FRMPD4: variants seen among roughly 807,000 people sequenced by gnomAD.
FRMPD4 encodes the protein FERM and PDZ domain-containing protein 4.
A neutral mutation model predicts 94.1 loss-of-function variants in FRMPD4; 22 were observed. The observed-to-expected ratio is 0.23, with a 90% CI of 0.17 to 0.33. The LOEUF (loss-of-function observed/expected upper bound fraction) is 0.33. Among genes scored for constraint, FRMPD4 ranks in the 10% least tolerant of loss-of-function variants. The pLI, the probability that FRMPD4 is intolerant of heterozygous loss-of-function variation, is 1.00. For missense variants in FRMPD4, 1,111 were observed against 1,339.9 expected (o/e 0.83, Z 2.67); for synonymous variants, 631 against 548.6 (o/e 1.15, Z -2.10).
chrX:12,506,480 G>A, intron 2 of FRMPD4, among the ~76,000 whole-genome samples: 1 of 110,989 alleles, frequency 9.0e-6, no homozygotes, highest in Non-Finnish European at 1.9e-5. Flanking sequence ...GTAGAGATGG[G>A]GTTTCACCAT....
chrX:12,458,375 C>T lies in FRMPD4; in HGVS notation c.42-40305C>T, dbSNP rs903595265. 3.6e-5 allele frequency among the ~76,000 whole-genome samples: 4 copies of T among 111,639 alleles called. No individual in the cohort carries two copies. The Admixed American group carries it at 3.8e-4, about 11-fold the overall frequency. ...AAATATGGAGGAGGTTTTGAGGACC[C>T]CCAACTCACTGGGATTCATGGAGTT... On this transcript the variant is annotated intron_variant, in intron 1 of 16. Transcript: ENST00000675598.
intron 1 of FRMPD4, among the ~76,000 whole-genome samples, chrX:12,269,352 T>TAA (rs63071261): frequency 0.16 from 16,913 of 103,781 alleles, 1,258 homozygotes; most frequent in Non-Finnish European, 0.22. Context: ...ATTAATAAAA[T>TAA]AAAAAAAAAA....
At chrX:12,530,871 T>C (rs754389504) in intron 2 of FRMPD4, among the ~76,000 whole-genome samples, 1 of 111,746 alleles carries the variant, frequency 8.9e-6, no homozygotes, top group East Asian at 2.8e-4. Flanking sequence ...GGTGGATGTA[T>C]GGTGCATAGT....
intron 2 of FRMPD4, among the ~76,000 whole-genome samples, chrX:12,522,412 G>T (rs1484817625): frequency 9.0e-6 from 1 of 110,997 alleles, no homozygotes; most frequent in African/African-American, 3.3e-5. Context: ...GCCATTCAGG[G>T]TACAGGGCTT....
intron 1 of FRMPD4, among the ~76,000 whole-genome samples, chrX:12,389,150 A>G (rs998829233): frequency 1.8e-5 from 2 of 108,739 alleles, no homozygotes. Context: ...TGGTGGATAT[A>G]GCTAATAATA....
chrX:12,042,216 CT>C (rs202168716), intron 3 of FRMPD4, among the ~76,000 whole-genome samples: 107 of 99,910 alleles, frequency 1.1e-3, no homozygotes, highest in Admixed American at 1.3e-3. Flanking sequence ...CTTTTGACAG[CT>C]TTTTTTTTTT....
chrX:12,571,213 C>G (rs1381728696), intron 2 of FRMPD4, among the ~76,000 whole-genome samples: 1 of 112,307 alleles, frequency 8.9e-6, no homozygotes, highest in Non-Finnish European at 1.9e-5. Context: ...TAAGTGAAAG[C>G]TACACAAATG....
rs36067490 is a variant in FRMPD4 at position 12,346,278 on chromosome X, G to GAA, written c.42-152391_42-152390dup. Among the ~76,000 whole-genome samples, 793 of 100,291 alleles carry GAA rather than the reference G, an allele frequency of 7.9e-3. 10 individuals are homozygous for GAA. Among genetic ancestry groups the GAA allele is most frequent in the African/African-American group, 0.027 (752 of 27,744 alleles). The allele number at this position is 100,291 out of a possible 115,157, so 87.1% of individuals were successfully genotyped here. A position where few individuals can be genotyped will look rare whatever the true frequency, so the allele number is the denominator to read the frequency against. On this transcript the variant is annotated intron_variant, in intron 1 of 16. Transcript: ENST00000675598. ...TTCTTGGGATGATAGTGTTTTGCAG[G>GAA]AAAAAAAAAAAATAGGTTGCATTGG...
At chrX:12,043,749 A>G (rs2054770533) in intron 3 of FRMPD4, among the ~76,000 whole-genome samples, 1 of 112,351 alleles carries the variant, frequency 8.9e-6, no homozygotes, top group Admixed American at 9.4e-5. Flanking sequence ...CTTGATATTA[A>G]AATATTCCTT....
At chrX:11,995,335 CTTA>C (rs2054490893) in intron 3 of FRMPD4, among the ~76,000 whole-genome samples, 2 of 111,480 alleles carry the variant, frequency 1.8e-5, no homozygotes, top group Non-Finnish European at 3.8e-5. Context: ...ACTGTAGCAT[CTTA>C]TTATTTTTTT....
chrX:12,510,032 C>T (rs1397310633), intron 2 of FRMPD4, among the ~76,000 whole-genome samples: 1 of 112,016 alleles, frequency 8.9e-6, no homozygotes, highest in Non-Finnish European at 1.9e-5. Flanking sequence ...CTGTGGGCCT[C>T]ACTTTTCTCA....
At chrX:12,455,610 T>C (rs1172319631) in intron 1 of FRMPD4, among the ~76,000 whole-genome samples, 1 of 111,928 alleles carries the variant, frequency 8.9e-6, no homozygotes, top group Admixed American at 9.5e-5. Flanking sequence ...TATATAGTAA[T>C]TGCAGTTACA....
intron 1 of FRMPD4, among the ~76,000 whole-genome samples, chrX:12,202,017 G>A (rs751771747): frequency 4.2e-4 from 45 of 107,501 alleles, no homozygotes; most frequent in African/African-American, 1.5e-3. Flanking sequence ...AACCTCTCAT[G>A]CCATTGTATT....
chrX:12,582,413 A>G (rs756930115), intron 2 of FRMPD4, among the ~76,000 whole-genome samples: 3 of 112,221 alleles, frequency 2.7e-5, no homozygotes, highest in Non-Finnish European at 5.6e-5. Flanking sequence ...TTCACATCCT[A>G]TCTTCCAAAG....
At chrX:12,369,945 G>A (rs906736925) in intron 1 of FRMPD4, among the ~76,000 whole-genome samples, 5 of 111,455 alleles carry the variant, frequency 4.5e-5, no homozygotes, top group African/African-American at 1.3e-4. Context: ...TATATTTTAC[G>A]TTTCATACGT....
rs960946022 is a variant in FRMPD4 at position 11,912,698 on chromosome X, C to T, written c.95+34680C>T. Among the ~76,000 whole-genome samples, 3 of 110,371 alleles carry T rather than the reference C, an allele frequency of 2.7e-5. No homozygotes were observed. In the Admixed American group the frequency reaches 2.9e-4, roughly 11 times the overall value. ...CTTGTATTTTTTTAAACATGTGGAACCTACTCTGTTGTCCAATTACACTGT... is the reference window on the plus strand; with the variant it reads ...CTTGTATTTTTTTAAACATGTGGAATCTACTCTGTTGTCCAATTACACTGT... On this transcript the variant is annotated intron_variant, in intron 3 of 18. Coordinates refer to the FRMPD4 transcript ENST00000640291.
At chrX:12,395,251 G>A (rs2056528052) in intron 1 of FRMPD4, among the ~76,000 whole-genome samples, 1 of 112,264 alleles carries the variant, frequency 8.9e-6, no homozygotes, top group Admixed American at 9.4e-5. Context: ...CTGTAAGGCA[G>A]CTAGGCCTCT....
intron 2 of FRMPD4, among the ~76,000 whole-genome samples, chrX:12,545,124 C>T (rs2058460798): frequency 8.9e-6 from 1 of 112,024 alleles, no homozygotes; most frequent in Admixed American, 9.5e-5. Context: ...TCTGTTAGCA[C>T]ACGGAATTGC....
At chrX:12,025,112 A>G (rs1166532874) in intron 3 of FRMPD4, among the ~76,000 whole-genome samples, 1 of 109,322 alleles carries the variant, frequency 9.1e-6, no homozygotes, top group Non-Finnish European at 1.9e-5. Context: ...TCCTCTGGCT[A>G]CTTCTTGGTT....
Sources: gnomAD v4.1 joint callset for allele counts (sites outside exome capture counted in the v4.1 genomes callset) on GRCh38, gnomAD v4.1.1 for gene constraint, MANE v1.5 for transcripts, NCBI Gene and HGNC (gene_info 2026-07-23, HGNC 2026-07-21) for gene names.